FAM163A: variants seen among roughly 807,000 people sequenced by gnomAD.
The protein encoded by FAM163A is protein FAM163A.
A neutral mutation model predicts 12.0 loss-of-function variants in FAM163A; 7 were observed. The ratio of observed to expected loss-of-function variants is 0.58; its 90% CI spans 0.33 to 1.10. FAM163A has a LOEUF of 1.10. Among genes scored for constraint, FAM163A ranks in the 50% least tolerant of loss-of-function variants. FAM163A has a pLI of 0.03. For missense variants in FAM163A, 202 were observed against 218.6 expected (o/e 0.92, Z 0.48); for synonymous variants, 101 against 91.0 (o/e 1.11, Z -0.62).
the FAM163A span, among the ~76,000 whole-genome samples, chr1:179,734,723 G>T: frequency 1.3e-5 from 2 of 152,162 alleles, no homozygotes; most frequent in Non-Finnish European, 2.9e-5. Flanking sequence ...TTTCAACATA[G>T]AATTTAGGTA....
chr1:179,755,423 G>A (rs556724438), intron 1 of FAM163A, among the ~76,000 whole-genome samples: 1 of 152,308 alleles, frequency 6.6e-6, no homozygotes, highest in Non-Finnish European at 1.5e-5. Flanking sequence ...TTTAAATGTT[G>A]TGGCTAGGAT....
chr1:179,789,798 TAAAA>T (rs544695888), intron 1 of FAM163A, among the ~76,000 whole-genome samples: 1 of 151,716 alleles, frequency 6.6e-6, no homozygotes. Context: ...GTTACACAAC[TAAAA>T]AAAATGGTAC....
chr1:179,738,442 A>G (rs1683250392), upstream of FAM163A, among the ~76,000 whole-genome samples: 1 of 152,232 alleles, frequency 6.6e-6, no homozygotes, highest in African/African-American at 2.4e-5. Flanking sequence ...TTTTGTATCA[A>G]TTATACCTCA....
chr1:179,764,563 C>G (rs1488309319), intron 1 of FAM163A, among the ~76,000 whole-genome samples: 4 of 152,194 alleles, frequency 2.6e-5, no homozygotes, highest in Admixed American at 2.6e-4. Flanking sequence ...GGGTAATCAA[C>G]TTGTCAAGGA....
chr1:179,782,030 C>A (rs1456940283), intron 1 of FAM163A, among the ~76,000 whole-genome samples: 1 of 151,940 alleles, frequency 6.6e-6, no homozygotes, highest in Non-Finnish European at 1.5e-5. Flanking sequence ...GCTATCAGGG[C>A]CGGCTTGGGA....
intron 1 of FAM163A, chr1:179,803,836 G>A (rs532467879): frequency 6.6e-6 from 1 of 152,142 alleles, no homozygotes; most frequent in South Asian, 2.1e-4. Context: ...CAAAGTGTTA[G>A]GATTACAGGC....
chr1:179,796,288 C>T (rs963352891), intron 1 of FAM163A, among the ~76,000 whole-genome samples: 1 of 151,886 alleles, frequency 6.6e-6, no homozygotes, highest in African/African-American at 2.4e-5. Context: ...TTTCTTTGGA[C>T]AAGTCATTCT....
upstream of FAM163A, among the ~76,000 whole-genome samples, chr1:179,742,910 G>T (rs567782558): frequency 1.1e-4 from 17 of 152,324 alleles, no homozygotes; most frequent in Admixed American, 9.8e-4. Context: ...GGAACACAGA[G>T]GAGCCCTTCG....
chr1:179,813,074 A>G lies in FAM163A; in HGVS notation c.-22-2A>G. 5.2e-6 allele frequency: 8 copies of G among 1,551,408 alleles called. No individual in the cohort carries two copies. Among genetic ancestry groups the G allele is most frequent in the Non-Finnish European group, 6.1e-6 (7 of 1,146,756 alleles). ...TCCTCAGCCCTCCGCACATCTTTGC[A>G]GAGTTTGATGGGGCGCCGGGCGGAT... On this transcript the variant is annotated splice_acceptor_variant, in intron 3 of 4. Coordinates refer to ENST00000341785, the MANE Select transcript of FAM163A (RefSeq NM_173509.3). LOFTEE classifies it low-confidence loss of function (5UTR_SPLICE).
intron 1 of FAM163A, among the ~76,000 whole-genome samples, chr1:179,781,662 G>A (rs762708711): frequency 1.5e-4 from 23 of 152,104 alleles, no homozygotes; most frequent in Non-Finnish European, 2.8e-4. Flanking sequence ...TTGGCCAGGC[G>A]CGGTGGCTCA....
At position 179,815,233 on chromosome 1, in the gene FAM163A, A is replaced by T. The variant is rs536127882; in HGVS notation, c.*1044A>T. On this transcript the variant is annotated 3_prime_UTR_variant, in exon 5 of 5. Coordinates refer to ENST00000341785, the MANE Select transcript of FAM163A (RefSeq NM_173509.3). ...GTCTCCCATGTACCAGAGAAGGAAA[A>T]GTCTGATCCCGAAACAGCTTGAACG... The T allele has an allele frequency of 1.3e-5, 2 of 152,524 alleles. No homozygotes were observed. Among genetic ancestry groups the T allele is most frequent in the African/African-American group, 4.8e-5 (2 of 41,556 alleles). 9.4% of individuals were successfully genotyped at this position (152,524 alleles called of 1,614,324 possible). A position where few individuals can be genotyped will look rare whatever the true frequency, so the allele number is the denominator to read the frequency against.
At chr1:179,789,160 C>T (rs562564839) in intron 1 of FAM163A, among the ~76,000 whole-genome samples, 2 of 151,862 alleles carry the variant, frequency 1.3e-5, no homozygotes, top group Non-Finnish European at 2.9e-5. Context: ...AGTGCATTCC[C>T]AGGGGAGCAG....
At chr1:179,750,537 G>C (rs770444660) in intron 1 of FAM163A, among the ~76,000 whole-genome samples, 2 of 152,160 alleles carry the variant, frequency 1.3e-5, no homozygotes, top group Non-Finnish European at 2.9e-5. Flanking sequence ...ACCATGGCTA[G>C]AAAGAATATG....
At chr1:179,738,061 G>C in the FAM163A span, among the ~76,000 whole-genome samples, 1 of 152,138 alleles carries the variant, frequency 6.6e-6, no homozygotes, top group East Asian at 1.9e-4. Flanking sequence ...GGCACATGTG[G>C]AATCTATAAA....
intron 1 of FAM163A, among the ~76,000 whole-genome samples, chr1:179,760,189 T>G (rs992725469): frequency 1.3e-5 from 2 of 152,126 alleles, no homozygotes; most frequent in African/African-American, 4.8e-5. Flanking sequence ...GATTTGGAAT[T>G]TGCCTTGCTT....
chr1:179,813,047 G>C (rs1251291540), intron 3 of FAM163A, 29 bp from the exon 4 acceptor site: 1 of 1,539,876 alleles, frequency 6.5e-7, no homozygotes, highest in East Asian at 2.5e-5. Context: ...AGCCACAGCT[G>C]GTCCTCAGCC....
intron 1 of FAM163A, among the ~76,000 whole-genome samples, chr1:179,783,271 T>A (rs1690060980): frequency 6.6e-6 from 1 of 152,156 alleles, no homozygotes; most frequent in African/African-American, 2.4e-5. Context: ...AAGACTTAAC[T>A]GTTGCTGCTT....
At chr1:179,736,547 C>T in the FAM163A span, among the ~76,000 whole-genome samples, 1 of 152,158 alleles carries the variant, frequency 6.6e-6, no homozygotes, top group South Asian at 2.1e-4. Flanking sequence ...TGGTGGCTTA[C>T]TCCTGTAATC....
At chr1:179,767,129 A>G (rs551581656) in intron 1 of FAM163A, among the ~76,000 whole-genome samples, 2 of 152,170 alleles carry the variant, frequency 1.3e-5, no homozygotes, top group African/African-American at 4.8e-5. Flanking sequence ...CTCAGAGATG[A>G]TATCAGGCAC....
Sources: allele counts gnomAD v4.1 joint callset (sites outside exome capture counted in the v4.1 genomes callset), GRCh38; gene constraint gnomAD v4.1.1; transcripts MANE v1.5; gene names NCBI Gene and HGNC (gene_info 2026-07-23, HGNC 2026-07-21).